The following OR10H4 variants were observed in gnomAD, a reference collection of about 807,000 sequenced individuals.
The protein encoded by OR10H4 is olfactory receptor family 10 subfamily H member 4, also known as olfactory receptor 10H4.
A neutral mutation model predicts 10.5 loss-of-function variants in OR10H4; 10 were observed. That is an observed-to-expected ratio of 0.95 (90% CI 0.59 to 1.62). OR10H4 has a LOEUF of 1.62. Among genes scored for constraint, OR10H4 ranks in the 40% most tolerant of loss-of-function variants. OR10H4 has a pLI of 0.00. For missense variants in OR10H4, 397 were observed against 391.5 expected (o/e 1.01, Z -0.12); for synonymous variants, 160 against 149.4 (o/e 1.07, Z -0.52).
Position 15,949,572 on chromosome 19 carries a change from G to A in OR10H4, c.565G>A (p.Ala189Thr). 6.2e-7 allele frequency: 1 copy of A among 1,614,162 alleles called. No homozygotes were observed. The highest frequency in any genetic ancestry group is 8.5e-7 in the Non-Finnish European group (1 of 1,180,028). The change falls in exon 1 of 1, where the codon GCC becomes ACC. Residue 189 changes from alanine to threonine, a missense_variant. Ala to Thr is a moderately conservative substitution (Grantham distance 58). Coordinates refer to ENST00000322107, the MANE Select transcript of OR10H4 (RefSeq NM_001004465.1). The stretch of plus-strand genomic sequence containing the variant: ...TCATGTGCTTTCCCTCTTGAAGTTG[G>A]CCTGTGAAAACAAGACATCATCTGT... ...FCHVLSLLKL[A>T]CENKTSSVIM...
Position 15,949,335 on chromosome 19 carries a change from TTCAC to T in OR10H4, c.335_338del (p.His112ProfsTer25), listed in dbSNP as rs758516001. On this transcript the variant is annotated frameshift_variant, in exon 1 of 1. Transcript: ENST00000322107. LOFTEE classifies it high-confidence loss of function. The stretch of plus-strand genomic sequence containing the variant: ...GATGTTCTTCTCCTTCATGTTTGGC[TTCAC>T]TCACTCCTTCCTTCTCCTGGTCATG... The T allele has an allele frequency of 6.8e-6, 11 of 1,614,236 alleles. No individual in the cohort carries two copies. The highest frequency in any genetic ancestry group is 3.3e-4 in the Middle Eastern group (2 of 6,062).
Position 15,949,696 on chromosome 19 carries a change from T to G in OR10H4, c.689T>G (p.Ile230Ser). Residue 230 changes from isoleucine (I) to serine (S), a missense_variant, in exon 1 of 1, where the codon ATT becomes AGT. Transcript: ENST00000322107. ...YVFIVAAILR[I>S]PSAEGRHKTF... ...TTCATTGTGGCTGCCATCTTGAGGA[T>G]TCCCTCTGCCGAAGGCCGGCACAAG... 1.2e-6 allele frequency: 2 copies of G among 1,614,192 alleles called. No homozygotes were observed. The highest frequency in any genetic ancestry group is 4.5e-5 in the East Asian group (2 of 44,888).
In OR10H4 at chr19:15,949,609, T is replaced by A. The variant is rs747937693; in HGVS notation, c.602T>A (p.Val201Glu). ...AAGACATCATCTGTCATCATGGGTG[T>A]GATGCTGGTGTGTGTCACAGCCCTG... ...ENKTSSVIMG[V>E]MLVCVTALIG... is the part of the protein sequence containing the mutation. The change falls in exon 1 of 1, where the codon GTG becomes GAG. Residue 201 changes from valine (V) to glutamate (E), a missense_variant. By Grantham distance (121) the Val-to-Glu change is moderately radical. Transcript: ENST00000322107. 1 of 1,614,128 alleles carries A rather than the reference T, an allele frequency of 6.2e-7. No individual in the cohort carries two copies. The highest frequency in any genetic ancestry group is 8.5e-7 in the Non-Finnish European group (1 of 1,180,040).
chr19:15,949,822 G>C lies in OR10H4; in HGVS notation c.815G>C (p.Ser272Thr). The change falls in exon 1 of 1, where the codon AGT becomes ACT. Residue 272 changes from serine to threonine, a missense_variant. Coordinates refer to ENST00000322107, the MANE Select transcript of OR10H4 (RefSeq NM_001004465.1). ...LKPKGLHSMY[S>T]DALMATTYTV... ...CCCAAGGGCCTCCATTCTATGTACA[G>C]TGACGCCTTGATGGCCACCACCTAT... 6.2e-7 allele frequency: 1 copy of C among 1,614,130 alleles called. No individual in the cohort carries two copies. The highest frequency in any genetic ancestry group is 8.5e-7 in the Non-Finnish European group (1 of 1,180,030).
At position 15,949,517 on chromosome 19, in the gene OR10H4, T is replaced by C. The variant is rs760805537; in HGVS notation, c.510T>C (p.Cys170=). Residue 170 remains cysteine, a synonymous_variant, in exon 1 of 1, where the codon TGT becomes TGC. Coordinates refer to ENST00000322107, the MANE Select transcript of OR10H4 (RefSeq NM_001004465.1). The part of the protein sequence containing the change: ...VTTIVFHLTF[C]GSNVIHHFFC... Reference sequence around the variant, plus strand: ...CGATAGTTTTCCACCTCACTTTCTGTGGGTCTAATGTGATCCACCATTTTT... The same window carrying C: ...CGATAGTTTTCCACCTCACTTTCTGCGGGTCTAATGTGATCCACCATTTTT... 1.2e-6 allele frequency: 2 copies of C among 1,614,232 alleles called. No homozygotes were observed. The highest frequency in any genetic ancestry group is 2.2e-5 in the South Asian group (2 of 91,084).
In OR10H4 at chr19:15,949,680, G is replaced by C; in HGVS notation, c.673G>C (p.Ala225Pro). Residue 225 changes from alanine to proline, a missense_variant, in exon 1 of 1, where the codon GCT becomes CCT. Transcript: ENST00000322107. ...LIILSYVFIV[A>P]AILRIPSAEG... is the part of the protein sequence containing the mutation. Reference sequence around the variant, plus strand: ...CATCCTCTCCTATGTCTTCATTGTGGCTGCCATCTTGAGGATTCCCTCTGC... The same window carrying C: ...CATCCTCTCCTATGTCTTCATTGTGCCTGCCATCTTGAGGATTCCCTCTGC... The C allele has an allele frequency of 2.5e-6, 4 of 1,614,132 alleles. No homozygotes were observed. Among genetic ancestry groups the C allele is most frequent in the Non-Finnish European group, 3.4e-6 (4 of 1,180,030 alleles).
rs1219536993 is a variant in OR10H4, at chr19:15,949,946, T to C, written c.939T>C (p.Pro313=). 1 of 1,604,596 alleles carries C rather than the reference T, an allele frequency of 6.2e-7. No homozygotes were observed. The highest frequency in any genetic ancestry group is 2.2e-5 in the East Asian group (1 of 44,852). The change falls in exon 1 of 1, where the codon CCT becomes CCC. Residue 313 remains proline, a synonymous_variant. Coordinates refer to ENST00000322107, the MANE Select transcript of OR10H4 (RefSeq NM_001004465.1). Reference sequence around the variant, plus strand: ...AAAACTTTTACAGAAAATTCTGTCCTCCAAGTTCCTGAGCGCCAGTTTGGT... The same window carrying C: ...AAAACTTTTACAGAAAATTCTGTCCCCCAAGTTCCTGAGCGCCAGTTTGGT... ...INKNFYRKFC[P]PSS
chr19:15,949,633 T>C lies in OR10H4; in HGVS notation c.626T>C (p.Leu209Pro), dbSNP rs761010089. The C allele has an allele frequency of 1.2e-6, 2 of 1,614,164 alleles. No homozygotes were observed. Among genetic ancestry groups the C allele is most frequent in the Admixed American group, 3.3e-5 (2 of 60,012 alleles). Residue 209 changes from leucine to proline, a missense_variant, in exon 1 of 1, where the codon CTG becomes CCG. Physicochemically the swap from Leu to Pro is moderately conservative, Grantham distance 98. Transcript: ENST00000322107. ...GTGATGCTGGTGTGTGTCACAGCCC[T>C]GATAGGCTGTTTATTCCTCATCATC... ...MGVMLVCVTA[L>P]IGCLFLIILS...
rs1369953043 is a variant in OR10H4, at chr19:15,949,296, G to A, written c.289G>A (p.Ala97Thr). 2 of 1,614,184 alleles carry A rather than the reference G, an allele frequency of 1.2e-6. No individual in the cohort carries two copies. Among genetic ancestry groups the A allele is most frequent in the Admixed American group, 1.7e-5 (1 of 60,022 alleles). Residue 97 changes from alanine (A) to threonine (T), a missense_variant, in exon 1 of 1, where the codon GCT becomes ACT. By Grantham distance (58) the Ala-to-Thr change is moderately conservative. Coordinates refer to ENST00000322107, the MANE Select transcript of OR10H4 (RefSeq NM_001004465.1). ...LSTHHSITFV[A>T]CANQMFFSFM... ...CACCCATCATTCCATCACCTTTGTGGCTTGTGCCAACCAGATGTTCTTCTC... is the reference window on the plus strand; with the variant it reads ...CACCCATCATTCCATCACCTTTGTGACTTGTGCCAACCAGATGTTCTTCTC...
rs748492620 is a variant in OR10H4, at chr19:15,949,468, C to G, written c.461C>G (p.Ser154Ter). The G allele has an allele frequency of 2.5e-6, 4 of 1,614,120 alleles. No individual in the cohort carries two copies. Among genetic ancestry groups the G allele is most frequent in the Non-Finnish European group, 3.4e-6 (4 of 1,180,046 alleles). The change falls in exon 1 of 1, where the codon TCA becomes TGA. Residue 154 changes from serine (S) to a stop codon, truncating the protein, a stop_gained. Transcript: ENST00000322107. LOFTEE classifies it high-confidence loss of function. ...GTGGCCTGTACCTGGGCTGGTGGCT[C>G]AGTCATGGGGATGATGGTGACAACG... ...HLVACTWAGG[S>*]VMGMMVTTIV...
Position 15,949,785 on chromosome 19 carries a change from A to G in OR10H4, c.778A>G (p.Ile260Val). The G allele has an allele frequency of 6.2e-7, 1 of 1,614,106 alleles. No individual in the cohort carries two copies. Among genetic ancestry groups the G allele is most frequent in the Non-Finnish European group, 8.5e-7 (1 of 1,180,022 alleles). ...VVTHYSFASF[I>V]YLKPKGLHSM... is the part of the protein sequence containing the mutation. ...CACGCACTATAGTTTTGCCTCCTTT[A>G]TCTACCTCAAGCCCAAGGGCCTCCA... Residue 260 changes from isoleucine to valine, a missense_variant, in exon 1 of 1, where the codon ATC becomes GTC. Physicochemically the swap from Ile to Val is conservative, Grantham distance 29. Transcript: ENST00000322107.
Position 15,949,453 on chromosome 19 carries a change from C to T in OR10H4, c.446C>T (p.Thr149Ile), listed in dbSNP as rs2089832915. The change falls in exon 1 of 1, where the codon ACC becomes ATC. Residue 149 changes from threonine (T) to isoleucine (I), a missense_variant. Physicochemically the swap from Thr to Ile is moderately conservative, Grantham distance 89. Transcript: ENST00000322107. ...PRDCAHLVAC[T>I]WAGGSVMGMM... ...GACTGTGCCCATCTTGTGGCCTGTA[C>T]CTGGGCTGGTGGCTCAGTCATGGGG... 1.3e-5 allele frequency: 21 copies of T among 1,614,206 alleles called. No homozygotes were observed. Among genetic ancestry groups the T allele is most frequent in the Non-Finnish European group, 1.8e-5 (21 of 1,180,040 alleles).
rs775743078 is a variant in OR10H4 at position 15,949,792 on chromosome 19, T to A, written c.785T>A (p.Leu262His). ...THYSFASFIY[L>H]KPKGLHSMYS... Reference sequence around the variant, plus strand: ...TATAGTTTTGCCTCCTTTATCTACCTCAAGCCCAAGGGCCTCCATTCTATG... The same window carrying A: ...TATAGTTTTGCCTCCTTTATCTACCACAAGCCCAAGGGCCTCCATTCTATG... Residue 262 changes from leucine to histidine, a missense_variant, in exon 1 of 1, where the codon CTC becomes CAC. By Grantham distance (99) the Leu-to-His change is moderately conservative (BLOSUM62 -3). Transcript: ENST00000322107. The A allele has an allele frequency of 1.5e-5, 24 of 1,614,058 alleles. No individual in the cohort carries two copies. Among genetic ancestry groups the A allele is most frequent in the Non-Finnish European group, 1.9e-5 (22 of 1,180,046 alleles).
At position 15,949,690 on chromosome 19, in the gene OR10H4, T is replaced by G; in HGVS notation, c.683T>G (p.Leu228Trp). 1.2e-6 allele frequency: 2 copies of G among 1,614,238 alleles called. No homozygotes were observed. The highest frequency in any genetic ancestry group is 1.7e-6 in the Non-Finnish European group (2 of 1,180,032). ...TATGTCTTCATTGTGGCTGCCATCT[T>G]GAGGATTCCCTCTGCCGAAGGCCGG... The part of the protein sequence containing the change: ...LSYVFIVAAI[L>W]RIPSAEGRHK... Residue 228 changes from leucine to tryptophan, a missense_variant, in exon 1 of 1, where the codon TTG becomes TGG. By Grantham distance (61) the Leu-to-Trp change is moderately conservative. Transcript: ENST00000322107.
Position 15,949,860 on chromosome 19 carries a change from C to T in OR10H4, c.853C>T (p.Pro285Ser). ...GGCCACCACCTATACTGTCTTCACC[C>T]CCTTCCTTAGCCCAATCATTTTCAG... ...LMATTYTVFT[P>S]FLSPIIFSLR... is the part of the protein sequence containing the mutation. Residue 285 changes from proline to serine, a missense_variant, in exon 1 of 1, where the codon CCC becomes TCC. By Grantham distance (74) the Pro-to-Ser change is moderately conservative (BLOSUM62 -1). Coordinates refer to ENST00000322107, the MANE Select transcript of OR10H4 (RefSeq NM_001004465.1). 6.2e-7 allele frequency: 1 copy of T among 1,614,032 alleles called. No individual in the cohort carries two copies. The highest frequency in any genetic ancestry group is 8.5e-7 in the Non-Finnish European group (1 of 1,180,018).
chr19:15,949,139 T>G lies in OR10H4; in HGVS notation c.132T>G (p.Leu44=), dbSNP rs1568263507. The stretch of plus-strand genomic sequence containing the variant: ...TCCTGTTCACATTGCTGGGCAACCT[T>G]CTCATCATGGCCACAATCTGGATTG... ...LMFLFTLLGN[L]LIMATIWIEH... The change falls in exon 1 of 1, where the codon CTT becomes CTG. Residue 44 remains leucine, a synonymous_variant. Transcript: ENST00000322107. 6.2e-7 allele frequency: 1 copy of G among 1,614,118 alleles called. No homozygotes were observed. Among genetic ancestry groups the G allele is most frequent in the Middle Eastern group, 1.6e-4 (1 of 6,062 alleles).
chr19:15,949,030 T>A lies in OR10H4; in HGVS notation c.23T>A (p.Ile8Asn), dbSNP rs1410084398. 6.2e-7 allele frequency: 1 copy of A among 1,611,948 alleles called. No homozygotes were observed. The highest frequency in any genetic ancestry group is 8.5e-7 in the Non-Finnish European group (1 of 1,178,432). MPSQNYS[I>N]ISEFNLFGFS... ...TCCATGCCTAGTCAGAACTATAGCA[T>A]CATATCTGAATTTAACCTCTTTGGC... The change falls in exon 1 of 1, where the codon ATC (isoleucine) becomes AAC (asparagine). Residue 8 changes from isoleucine (I) to asparagine (N), a missense_variant. Ile to Asn is a moderately radical substitution (Grantham distance 149). Coordinates refer to ENST00000322107, the MANE Select transcript of OR10H4 (RefSeq NM_001004465.1).
At position 15,949,015 on chromosome 19, in the gene OR10H4, G is replaced by A; in HGVS notation, c.8G>A (p.Ser3Asn). 1 of 1,605,654 alleles carries A rather than the reference G, an allele frequency of 6.2e-7. No homozygotes were observed. The highest frequency in any genetic ancestry group is 8.5e-7 in the Non-Finnish European group (1 of 1,173,428). Reference sequence around the variant, plus strand: ...TCACCAGATACAGTATCCATGCCTAGTCAGAACTATAGCATCATATCTGAA... The same window carrying A: ...TCACCAGATACAGTATCCATGCCTAATCAGAACTATAGCATCATATCTGAA... The part of the protein sequence containing the change: MP[S>N]QNYSIISEFN... Residue 3 changes from serine (S) to asparagine (N), a missense_variant, in exon 1 of 1, where the codon AGT (serine) becomes AAT (asparagine). Physicochemically the swap from Ser to Asn is conservative, Grantham distance 46. Transcript: ENST00000322107.
Position 15,949,612 on chromosome 19 carries a change from T to G in OR10H4, c.605T>G (p.Met202Arg), listed in dbSNP as rs370476895. 6.2e-7 allele frequency: 1 copy of G among 1,614,242 alleles called. No homozygotes were observed. ...NKTSSVIMGV[M>R]LVCVTALIGC... The stretch of plus-strand genomic sequence containing the variant: ...ACATCATCTGTCATCATGGGTGTGA[T>G]GCTGGTGTGTGTCACAGCCCTGATA... The change falls in exon 1 of 1, where the codon ATG becomes AGG. Residue 202 changes from methionine (M) to arginine (R), a missense_variant. By Grantham distance (91) the Met-to-Arg change is moderately conservative. Transcript: ENST00000322107.
Sources: gnomAD v4.1 joint callset for allele counts on GRCh38, gnomAD v4.1.1 for gene constraint, MANE v1.5 for transcripts, NCBI Gene and HGNC (gene_info 2026-07-23, HGNC 2026-07-21) for gene names.